The following SLC35E4 variants were observed in gnomAD, a reference collection of about 807,000 sequenced individuals.
SLC35E4 encodes solute carrier family 35, member E4.
SLC35E4 carries 15 observed loss-of-function variants against 19.3 expected under a neutral mutation model. The observed-to-expected ratio is 0.78, with a 90% CI of 0.52 to 1.20. The LOEUF (loss-of-function observed/expected upper bound fraction) is 1.20. Ranked by LOEUF, SLC35E4 falls within the 50% of genes most tolerant of loss-of-function variation. The pLI is 0.00. For synonymous variants in SLC35E4, 219 were observed against 219.9 expected (o/e 1.00, Z 0.04); for missense variants, 406 against 472.3 (o/e 0.86, Z 1.30).
chr22:30,656,308 T>C (rs1213042559), intron 2 of SLC35E4, among the ~76,000 whole-genome samples: 1 of 151,992 alleles, frequency 6.6e-6, no homozygotes, highest in Non-Finnish European at 1.5e-5. Context: ...CATCCCAGGA[T>C]AGGAAAGCAG....
intron 2 of SLC35E4, chr22:30,654,123 G>A: frequency 4.4e-6 from 1 of 228,658 alleles, no homozygotes; most frequent in Non-Finnish European, 8.7e-6. Flanking sequence ...GAGACTACGG[G>A]CGCCCGCCAC....
exon 3 of SLC35E4, chr22:30,662,290 G>A (rs2088499459): frequency 2.6e-5 from 4 of 152,218 alleles, no homozygotes; most frequent in Admixed American, 1.3e-4. Flanking sequence ...TTGGACAGAT[G>A]AGGACACTGA....
At chr22:30,650,896 G>A (rs1163847454), downstream of SLC35E4, among the ~76,000 whole-genome samples, 1 of 152,106 alleles carries the variant, frequency 6.6e-6, no homozygotes, top group Non-Finnish European at 1.5e-5. Context: ...TGGGCATCCT[G>A]CCATTGTGGA....
downstream of SLC35E4, among the ~76,000 whole-genome samples, chr22:30,651,399 G>GTGTGTGTATA (rs1318231260): frequency 3.3e-5 from 2 of 61,372 alleles, no homozygotes; most frequent in African/African-American, 2.3e-4. Context: ...GTGTGTGTGT[G>GTGTGTGTATA]TATATATATA....
At chr22:30,649,261 C>T (rs546109814), downstream of SLC35E4, 1 of 716,988 alleles carries the variant, frequency 1.4e-6, no homozygotes, top group African/African-American at 1.7e-5. Flanking sequence ...GAGGTAATGG[C>T]ACCAACTGGC....
At chr22:30,665,545 G>A (rs147864456), downstream of SLC35E4, 1 of 470,900 alleles carries the variant, frequency 2.1e-6, no homozygotes, top group African/African-American at 2.0e-5. Flanking sequence ...GGAGCCTTAA[G>A]ATATCAACTT....
chr22:30,644,349 T>C (rs1310214514), intron 1 of SLC35E4, among the ~76,000 whole-genome samples: 5 of 152,180 alleles, frequency 3.3e-5, no homozygotes, highest in Non-Finnish European at 5.9e-5. Context: ...AGAAAATGCA[T>C]AGAGGCTCAC....
At chr22:30,646,515 G>GT in intron 1 of SLC35E4, 83 bp from the exon 2 acceptor site, 1 of 1,478,692 alleles carries the variant, frequency 6.8e-7, no homozygotes, top group Non-Finnish European at 9.1e-7. Context: ...AGGCTTCTTG[G>GT]AGGATCGGCC....
downstream of SLC35E4, chr22:30,649,280 T>C: frequency 2.8e-6 from 2 of 716,018 alleles, no homozygotes; most frequent in Non-Finnish European, 2.6e-6. Context: ...GCTCTGCTTT[T>C]ATCTTGGGGT....
At chr22:30,653,601 G>C (rs1027904161) in intron 2 of SLC35E4, among the ~76,000 whole-genome samples, 1 of 151,508 alleles carries the variant, frequency 6.6e-6, no homozygotes, top group Non-Finnish European at 1.5e-5. Flanking sequence ...TCGAACTCCT[G>C]ATCTCAAGTG....
In SLC35E4 at chr22:30,643,253, G is replaced by A. The variant is rs538429107; in HGVS notation, c.620-3345G>A. On this transcript the variant is annotated intron_variant, in intron 1 of 1. Transcript: ENST00000343605. ...CGCCCGTCCGCATCACAGAGCAGGC[G>A]GACTCAACCCCTCTGAGCTCTCAGG... is the stretch of plus-strand genomic sequence containing the variant. Among the ~76,000 whole-genome samples the A allele has an allele frequency of 2.0e-4, 31 of 152,262 alleles. No homozygotes were observed. In the South Asian group the frequency reaches 4.8e-3, roughly 23 times the overall value.
In SLC35E4 at chr22:30,639,477, AATTT is replaced by A. The variant is rs567912929; in HGVS notation, c.619+2412_619+2415del. Among the ~76,000 whole-genome samples the A allele has an allele frequency of 2.8e-3, 424 of 152,252 alleles. 1 individual carries two copies. Among genetic ancestry groups the A allele is most frequent in the Non-Finnish European group, 5.1e-3 (344 of 68,034 alleles). ...GAGAGCAGACAACCAGTCTGACCAA[AATTT>A]ATTAGGCGGGAATTTCCTCGTCCTA... On this transcript the variant is annotated intron_variant, in intron 1 of 1. Coordinates refer to ENST00000343605, the MANE Select transcript of SLC35E4 (RefSeq NM_001001479.4).
downstream of SLC35E4, chr22:30,663,965 C>T (rs1050888093): frequency 1.9e-6 from 3 of 1,614,100 alleles, no homozygotes; most frequent in Non-Finnish European, 1.7e-6. Flanking sequence ...CTGAGGGCTG[C>T]CGGAACTGAA....
downstream of SLC35E4, chr22:30,652,038 A>G (rs2088231556): frequency 6.6e-6 from 1 of 152,168 alleles, no homozygotes; most frequent in Admixed American, 6.5e-5. Context: ...AGTAATTCAC[A>G]CAGAGCCTGG....
At chr22:30,657,200 C>T (rs971521250) in intron 2 of SLC35E4, among the ~76,000 whole-genome samples, 2 of 149,344 alleles carry the variant, frequency 1.3e-5, no homozygotes, top group African/African-American at 2.5e-5. Context: ...TTTGGGAGGC[C>T]GAGGTGGGTG....
intron 1 of SLC35E4, among the ~76,000 whole-genome samples, chr22:30,642,717 T>C (rs1277997502): frequency 1.0e-5 from 1 of 99,466 alleles, no homozygotes; most frequent in Non-Finnish European, 2.0e-5. Flanking sequence ...CACTCTAGCC[T>C]GGGCAACATC....
intron 2 of SLC35E4, among the ~76,000 whole-genome samples, chr22:30,658,983 G>A (rs1267569370): frequency 6.6e-6 from 1 of 151,996 alleles, no homozygotes; most frequent in Non-Finnish European, 1.5e-5. Context: ...TCTCTACTAG[G>A]CATGGTGGCG....
chr22:30,654,363 C>T, intron 2 of SLC35E4: 2 of 463,678 alleles, frequency 4.3e-6, no homozygotes, highest in South Asian at 3.1e-5. Context: ...CTGTCACTGT[C>T]TGGTACTTCC....
chr22:30,645,595 CAAAAAAAAA>C (rs1157239877), intron 1 of SLC35E4, among the ~76,000 whole-genome samples: 77 of 82,194 alleles, frequency 9.4e-4, no homozygotes, highest in Non-Finnish European at 2.3e-4. Flanking sequence ...ACTCTGTCTC[CAAAAAAAAA>C]AAAAAAAAAA....
Sources: gnomAD v4.1 joint callset for allele counts (sites outside exome capture counted in the v4.1 genomes callset) on GRCh38, gnomAD v4.1.1 for gene constraint, MANE v1.5 for transcripts, NCBI Gene and HGNC (gene_info 2026-07-23, HGNC 2026-07-21) for gene names.